Variants in ALKAL2 observed in about 807,000 individuals in gnomAD.
The protein encoded by ALKAL2 is ALK and LTK ligand 2.
ALKAL2 carries 8 observed loss-of-function variants against 18.5 expected under a neutral mutation model. The ratio of observed to expected loss-of-function variants is 0.43; its 90% CI spans 0.25 to 0.78. The LOEUF (loss-of-function observed/expected upper bound fraction) is 0.78. ALKAL2 is among the 30% of genes least tolerant of loss of function. ALKAL2 has a pLI of 0.22. For synonymous variants in ALKAL2, 135 were observed against 95.8 expected (o/e 1.41, Z -2.39); for missense variants, 241 against 211.2 (o/e 1.14, Z -0.88).
Position 287,844 on chromosome 2 carries a change from CG to C in ALKAL2, c.-10del, listed in dbSNP as rs1459760458. The C allele has an allele frequency of 3.8e-6, 5 of 1,298,938 alleles. No homozygotes were observed. The highest frequency in any genetic ancestry group is 4.8e-6 in the Non-Finnish European group (5 of 1,032,096). The allele number at this position is 1,298,938 out of a possible 1,614,324, so 80.5% of individuals were successfully genotyped here. A position where few individuals can be genotyped will look rare whatever the true frequency, so the allele number is the denominator to read the frequency against. On this transcript the variant is annotated 5_prime_UTR_variant, in exon 2 of 6. Coordinates refer to ENST00000403610, the MANE Select transcript of ALKAL2 (RefSeq NM_001002919.3). ...TGCCCGGGTCCGCGCATCGTGCGCT[CG>C]GGGCCGCGGGGCTGGGAGACTCCGA...
Position 288,068 on chromosome 2 carries a change from G to T in ALKAL2, c.-113C>A. The T allele has an allele frequency of 8.3e-7, 1 of 1,203,190 alleles. No homozygotes were observed. Among genetic ancestry groups the T allele is most frequent in the Non-Finnish European group, 1.0e-6 (1 of 970,682 alleles). 74.5% of individuals were successfully genotyped at this position (1,203,190 alleles called of 1,614,324 possible). A position where few individuals can be genotyped will look rare whatever the true frequency, so the allele number is the denominator to read the frequency against. ...GTGAGGGAGCCGCGGTCTCCTCGAC[G>T]ATCACGCCCGAGGTCCCGCCCACGG... On this transcript the variant is annotated 5_prime_UTR_variant, in exon 1 of 6. Coordinates refer to ENST00000403610, the MANE Select transcript of ALKAL2 (RefSeq NM_001002919.3).
In ALKAL2 at chr2:287,731, C is replaced by T. The variant is rs919694472; in HGVS notation, c.105G>A (p.Gln35=). 1 of 1,462,200 alleles carries T rather than the reference C, an allele frequency of 6.8e-7. No individual in the cohort carries two copies. 90.6% of individuals were successfully genotyped at this position (1,462,200 alleles called of 1,614,324 possible). A position where few individuals can be genotyped will look rare whatever the true frequency, so the allele number is the denominator to read the frequency against. The change falls in exon 2 of 6, where the codon CAG becomes CAA. Residue 35 remains glutamine (Q), a synonymous_variant. Coordinates refer to ENST00000403610, the MANE Select transcript of ALKAL2 (RefSeq NM_001002919.3). ...GAEPREPADG[Q]ALLRLVVELV... is the part of the protein sequence containing the mutation. ...GTTCCACCACCAGCCGCAGCAGCGC[C>T]TGTCCGTCCGCCGGCTCCCGGGGCT... is the stretch of plus-strand genomic sequence containing the variant.
chr2:287,624 G>A lies in ALKAL2; in HGVS notation c.212C>T (p.Ala71Val), dbSNP rs2103086785. 4 of 1,477,524 alleles carry A rather than the reference G, an allele frequency of 2.7e-6. No homozygotes were observed. In the East Asian group the frequency reaches 1.2e-4, roughly 44 times the overall value. 91.5% of individuals were successfully genotyped at this position (1,477,524 alleles called of 1,614,324 possible). A position where few individuals can be genotyped will look rare whatever the true frequency, so the allele number is the denominator to read the frequency against. The change falls in exon 2 of 6, where the codon GCG becomes GTG. Residue 71 changes from alanine to valine, a missense_variant. Physicochemically the swap from Ala to Val is moderately conservative, Grantham distance 64 (BLOSUM62 0). Transcript: ENST00000403610. The stretch of plus-strand genomic sequence containing the variant: ...CGAAGGCCCCAGCCCCGCCGCCTCC[G>A]CGCGGCCCAGGGCGCAGTCCCGCCC... The part of the protein sequence containing the change: ...LLGRDCALGR[A>V]EAAGLGPSPE...
chr2:285,995 CTCCAT>C (rs1201231612), intron 4 of ALKAL2, 123 bp downstream of exon 4: 41 of 739,602 alleles, frequency 5.5e-5, no homozygotes, highest in Admixed American at 3.6e-4. Flanking sequence ...TGGCCCCTAA[CTCCAT>C]AGTGAGGAAG....
At chr2:285,939 T>C (rs1037796541) in intron 4 of ALKAL2, 184 bp downstream of exon 4, 2 of 571,696 alleles carry the variant, frequency 3.5e-6, no homozygotes, top group African/African-American at 3.7e-5. Flanking sequence ...AGTTTGGCGT[T>C]AGCTGATGCA....
chr2:283,774 A>C (rs778352573), intron 4 of ALKAL2, among the ~76,000 whole-genome samples: 7 of 152,232 alleles, frequency 4.6e-5, no homozygotes, highest in Non-Finnish European at 7.3e-5. Context: ...GGGCATGGCC[A>C]TAAGGGAAAA....
chr2:287,867 C>A lies in ALKAL2; in HGVS notation c.-32G>T, dbSNP rs1488646439. 7.9e-7 allele frequency: 1 copy of A among 1,269,952 alleles called. No homozygotes were observed. The highest frequency in any genetic ancestry group is 9.9e-7 in the Non-Finnish European group (1 of 1,013,524). 78.7% of individuals were successfully genotyped at this position (1,269,952 alleles called of 1,614,324 possible). ...CTCGGGGCCGCGGGGCTGGGAGACT[C>A]CGACACGCGCCGAGAGCTGGGCTCG... On this transcript the variant is annotated 5_prime_UTR_variant, in exon 2 of 6. Transcript: ENST00000403610.
Position 287,570 on chromosome 2 carries a change from C to A in ALKAL2, c.253+13G>T. On this transcript the variant is annotated intron_variant, in intron 2 of 5. Transcript: ENST00000403610. Reference sequence around the variant, plus strand: ...AGCAGCCCCGGCCCTCGGGCGCGCTCGGCCCCACTCACCCACTCGCTGCTC... The same window carrying A: ...AGCAGCCCCGGCCCTCGGGCGCGCTAGGCCCCACTCACCCACTCGCTGCTC... 1.4e-6 allele frequency: 2 copies of A among 1,394,728 alleles called. No individual in the cohort carries two copies. 86.4% of individuals were successfully genotyped at this position (1,394,728 alleles called of 1,614,324 possible). A position where few individuals can be genotyped will look rare whatever the true frequency, so the allele number is the denominator to read the frequency against.
chr2:280,018 A>C lies in ALKAL2; in HGVS notation c.*129T>G. On this transcript the variant is annotated 3_prime_UTR_variant, in exon 6 of 6. Transcript: ENST00000403610. ...ACAACATACAAAACTCAAAGGACTT[A>C]TGGAAGAGTCTGTCTGCAAAAATAA... 9.8e-7 allele frequency: 1 copy of C among 1,021,554 alleles called. No homozygotes were observed. 63.3% of individuals were successfully genotyped at this position (1,021,554 alleles called of 1,614,324 possible). A position where few individuals can be genotyped will look rare whatever the true frequency, so the allele number is the denominator to read the frequency against.
chr2:282,610 A>G (rs531565692), intron 5 of ALKAL2, among the ~76,000 whole-genome samples: 3 of 152,200 alleles, frequency 2.0e-5, no homozygotes, highest in East Asian at 3.9e-4. Context: ...ATGCATTTAC[A>G]TTTTTACTAT....
chr2:283,512 T>C (rs1670417649), intron 4 of ALKAL2: 1 of 985,350 alleles, frequency 1.0e-6, no homozygotes. Flanking sequence ...AATCCTTCCG[T>C]ACCCTTGTGC....
Position 279,851 on chromosome 2 carries a change from TAATG to T in ALKAL2, c.*292_*295del. 2.8e-6 allele frequency: 1 copy of T among 358,124 alleles called. No homozygotes were observed. Among genetic ancestry groups the T allele is most frequent in the South Asian group, 1.1e-4 (1 of 9,030 alleles). The allele number at this position is 358,124 out of a possible 1,614,324, so 22.2% of individuals were successfully genotyped here. A position where few individuals can be genotyped will look rare whatever the true frequency, so the allele number is the denominator to read the frequency against. The stretch of plus-strand genomic sequence containing the variant: ...AAGAAATATTTTTTGCGATTTCACC[TAATG>T]AAGACAATGAAATATTCTGTGTTTT... On this transcript the variant is annotated 3_prime_UTR_variant, in exon 6 of 6. Transcript: ENST00000403610.
chr2:283,316 C>T, intron 4 of ALKAL2, 141 bp from the exon 5 acceptor site: 1 of 1,443,118 alleles, frequency 6.9e-7, no homozygotes, highest in South Asian at 1.4e-5. Flanking sequence ...GTCTAATCTG[C>T]AGGCATGCAT....
intron 5 of ALKAL2, 135 bp downstream of exon 5, chr2:282,976 G>T: frequency 1.1e-6 from 1 of 938,350 alleles, no homozygotes; most frequent in Non-Finnish European, 1.6e-6. Flanking sequence ...TGAGATGAGT[G>T]TTGTGCCATC....
At chr2:283,701 C>T (rs1404331195) in intron 4 of ALKAL2, 4 of 487,492 alleles carry the variant, frequency 8.2e-6, no homozygotes, top group Non-Finnish European at 1.1e-5. Flanking sequence ...TCCTTGGTAT[C>T]GTACACAGTC....
Position 286,135 on chromosome 2 carries a change from T to A in ALKAL2, c.376A>T (p.Thr126Ser). Residue 126 changes from threonine (T) to serine (S), a missense_variant, in exon 4 of 6, where the codon ACC (threonine) becomes TCC (serine). Transcript: ENST00000403610. Reference sequence around the variant, plus strand: ...TGCTGTTACTTACATGCAGGAATGGTGCAGTCTCTGGTGTTGTGATAAAGT... The same window carrying A: ...TGCTGTTACTTACATGCAGGAATGGAGCAGTCTCTGGTGTTGTGATAAAGT... The part of the protein sequence containing the change: ...HRLYHNTRDC[T>S]IPAYYKRCAR... 1 of 1,613,658 alleles carries A rather than the reference T, an allele frequency of 6.2e-7. No individual in the cohort carries two copies. The highest frequency in any genetic ancestry group is 1.1e-5 in the South Asian group (1 of 91,078).
chr2:281,255 TAAC>T (rs1670333237), intron 5 of ALKAL2, among the ~76,000 whole-genome samples: 1 of 152,236 alleles, frequency 6.6e-6, no homozygotes, highest in African/African-American at 2.4e-5. Flanking sequence ...AAATTATAGT[TAAC>T]AGGGTATCAA....
chr2:286,638 T>C (rs2103085322), intron 2 of ALKAL2: 1 of 272,924 alleles, frequency 3.7e-6, no homozygotes, highest in South Asian at 1.4e-4. Context: ...AGAAAACTGT[T>C]TTTTTTTTCT....
chr2:283,984 C>T (rs1277143730), intron 4 of ALKAL2, among the ~76,000 whole-genome samples: 3 of 152,202 alleles, frequency 2.0e-5, no homozygotes, highest in Non-Finnish European at 4.4e-5. Flanking sequence ...AAATACGCCT[C>T]CTAAATATGG....
Sources: gnomAD v4.1 joint callset for allele counts (sites outside exome capture counted in the v4.1 genomes callset) on GRCh38, gnomAD v4.1.1 for gene constraint, MANE v1.5 for transcripts, NCBI Gene and HGNC (gene_info 2026-07-23, HGNC 2026-07-21) for gene names.